FRMD5: variants seen among roughly 807,000 people sequenced by gnomAD.
FRMD5 encodes FERM domain-containing protein 5.
Under a neutral mutation model 69.0 loss-of-function variants are expected in FRMD5, and 20 were observed. The ratio of observed to expected loss-of-function variants is 0.29; its 90% CI spans 0.20 to 0.42. The LOEUF (loss-of-function observed/expected upper bound fraction) is 0.42. Among genes scored for constraint, FRMD5 ranks in the 10% least tolerant of loss-of-function variants. The pLI is 1.00. For missense variants in FRMD5, 595 were observed against 708.6 expected (o/e 0.84, Z 1.82); for synonymous variants, 271 against 260.1 (o/e 1.04, Z -0.40).
intron 1 of FRMD5, among the ~76,000 whole-genome samples, chr15:43,977,695 C>T (rs868017477): frequency 1.3e-5 from 2 of 152,120 alleles, no homozygotes; most frequent in South Asian, 2.1e-4. Flanking sequence ...TTTGGGCAGG[C>T]GTTCTGCAAT....
At chr15:44,154,444 C>G (rs1043014630) in intron 1 of FRMD5, among the ~76,000 whole-genome samples, 1 of 151,860 alleles carries the variant, frequency 6.6e-6, no homozygotes, top group Non-Finnish European at 1.5e-5. Context: ...GGCTTACATA[C>G]TTGGTTATTG....
At chr15:43,895,218 A>T (rs2088885651) in intron 7 of FRMD5, among the ~76,000 whole-genome samples, 1 of 152,236 alleles carries the variant, frequency 6.6e-6, no homozygotes, top group Non-Finnish European at 1.5e-5. Flanking sequence ...CTAGTTAGGA[A>T]ACGAAAATGT....
chr15:43,919,321 G>A, intron 4 of FRMD5, 138 bp downstream of exon 4: 1 of 809,304 alleles, frequency 1.2e-6, no homozygotes, highest in East Asian at 2.4e-5. Flanking sequence ...ATGAAATACA[G>A]AAGTCATTAT....
At chr15:44,084,116 C>A (rs986828700) in intron 1 of FRMD5, among the ~76,000 whole-genome samples, 1 of 151,882 alleles carries the variant, frequency 6.6e-6, no homozygotes, top group African/African-American at 2.4e-5. Context: ...GCTATTTGAC[C>A]TTGGGCAATG....
At chr15:43,980,732 C>A (rs572688273) in intron 1 of FRMD5, among the ~76,000 whole-genome samples, 4 of 152,092 alleles carry the variant, frequency 2.6e-5, no homozygotes, top group African/African-American at 9.6e-5. Flanking sequence ...GCCTAGGAGA[C>A]CGAAAATACA....
At chr15:43,912,220 G>A (rs562676687) in intron 4 of FRMD5, among the ~76,000 whole-genome samples, 60 of 152,256 alleles carry the variant, frequency 3.9e-4, no homozygotes, top group African/African-American at 1.4e-3. Flanking sequence ...AAGGGAAGGT[G>A]AGTCTTAGCC....
chr15:44,087,025 C>T (rs1001657576), intron 1 of FRMD5, among the ~76,000 whole-genome samples: 2 of 151,920 alleles, frequency 1.3e-5, no homozygotes, highest in Non-Finnish European at 2.9e-5. Flanking sequence ...TAGTCTCTGC[C>T]CTTACCAGTG....
chr15:43,909,859 C>G lies in FRMD5; in HGVS notation c.427+23G>C, dbSNP rs747115058. 2.7e-6 allele frequency: 4 copies of G among 1,483,566 alleles called. 1 individual carries two copies. The South Asian group carries it at 3.4e-5, about 13-fold the overall frequency. The allele number at this position is 1,483,566 out of a possible 1,614,324, so 91.9% of individuals were successfully genotyped here. A position where few individuals can be genotyped will look rare whatever the true frequency, so the allele number is the denominator to read the frequency against. On this transcript the variant is annotated intron_variant, in intron 5 of 13. Coordinates refer to ENST00000417257, the MANE Select transcript of FRMD5 (RefSeq NM_032892.5). ...ATCAGTACTTGGCATGAAAAGCAAA[C>G]TTATCCTGTCAAAAGTCATTACCTT...
intron 1 of FRMD5, chr15:44,063,652 T>C (rs1366526412): frequency 4.4e-6 from 2 of 455,192 alleles, no homozygotes; most frequent in South Asian, 1.7e-5. Flanking sequence ...CTACATGTTC[T>C]AGTATGATTC....
chr15:43,986,790 T>C (rs1311265161), intron 1 of FRMD5, among the ~76,000 whole-genome samples: 3 of 151,354 alleles, frequency 2.0e-5, no homozygotes, highest in Non-Finnish European at 4.4e-5. Flanking sequence ...GTAGATATTG[T>C]GGGGTTTTTG....
chr15:43,984,970 C>A (rs1889313426), intron 1 of FRMD5, among the ~76,000 whole-genome samples: 1 of 120,820 alleles, frequency 8.3e-6, no homozygotes, highest in Non-Finnish European at 1.8e-5. Flanking sequence ...GGCGACAGAA[C>A]AACTCTGTCT....
chr15:44,189,386 C>T (rs2078156251), intron 1 of FRMD5, among the ~76,000 whole-genome samples: 1 of 152,042 alleles, frequency 6.6e-6, no homozygotes, highest in Admixed American at 6.6e-5. Context: ...CAGTTTTAGC[C>T]TGATGGAGAA....
At chr15:43,996,380 G>A (rs1004718618) in intron 1 of FRMD5, among the ~76,000 whole-genome samples, 3 of 152,208 alleles carry the variant, frequency 2.0e-5, no homozygotes, top group Non-Finnish European at 2.9e-5. Flanking sequence ...CCCTCACACA[G>A]AGGGTATCTT....
intron 1 of FRMD5, among the ~76,000 whole-genome samples, chr15:44,095,956 C>A (rs1198163762): frequency 6.6e-6 from 1 of 152,092 alleles, no homozygotes; most frequent in Non-Finnish European, 1.5e-5. Context: ...CCTATAATCC[C>A]AATACTTTGG....
chr15:44,122,436 C>T (rs1320721972), intron 1 of FRMD5, among the ~76,000 whole-genome samples: 2 of 151,898 alleles, frequency 1.3e-5, no homozygotes, highest in Non-Finnish European at 2.9e-5. Flanking sequence ...CATGGTGGTG[C>T]ATGCCTGTAG....
intron 1 of FRMD5, among the ~76,000 whole-genome samples, chr15:44,009,822 A>C (rs1180405323): frequency 6.6e-6 from 1 of 152,172 alleles, no homozygotes; most frequent in East Asian, 1.9e-4. Context: ...CTTAAGGGGA[A>C]AAGGTAATAT....
intron 1 of FRMD5, among the ~76,000 whole-genome samples, chr15:43,983,024 G>A (rs551775234): frequency 2.4e-4 from 36 of 152,214 alleles, no homozygotes; most frequent in East Asian, 3.9e-4. Context: ...TCCACTTCCC[G>A]GGGTCAAGTG....
intron 1 of FRMD5, among the ~76,000 whole-genome samples, chr15:43,925,663 A>G (rs2089571929): frequency 6.6e-6 from 1 of 152,186 alleles, no homozygotes; most frequent in African/African-American, 2.4e-5. Flanking sequence ...CCCAGGCCCT[A>G]TACAGCCTGG....
At chr15:43,940,629 T>G (rs1243566005) in intron 1 of FRMD5, among the ~76,000 whole-genome samples, 1 of 152,214 alleles carries the variant, frequency 6.6e-6, no homozygotes, top group African/African-American at 2.4e-5. Flanking sequence ...TGAAGGGCTG[T>G]GTATACCATG....
Sources: gnomAD v4.1 joint callset for allele counts (sites outside exome capture counted in the v4.1 genomes callset) on GRCh38, gnomAD v4.1.1 for gene constraint, MANE v1.5 for transcripts, NCBI Gene and HGNC (gene_info 2026-07-23, HGNC 2026-07-21) for gene names.